The following ARHGEF12 variants were observed in gnomAD, a reference collection of about 807,000 sequenced individuals.
ARHGEF12 encodes the protein Rho guanine nucleotide exchange factor 12, also known as KMT2A/ARHGEF12 fusion protein.
Under a neutral mutation model 211.2 loss-of-function variants are expected in ARHGEF12, and 66 were observed. The observed-to-expected ratio is 0.31, with a 90% CI of 0.26 to 0.38. The LOEUF (loss-of-function observed/expected upper bound fraction) is 0.38, where lower values mean the gene tolerates loss of function less well. Among genes scored for constraint, ARHGEF12 ranks in the 10% least tolerant of loss-of-function variants. The pLI, the probability that ARHGEF12 is intolerant of heterozygous loss-of-function variation, is 1.00. For synonymous variants in ARHGEF12, 592 were observed against 638.4 expected (o/e 0.93, Z 1.09); for missense variants, 1,429 against 1,869.5 (o/e 0.76, Z 4.34).
chr11:120,370,408 C>T (rs973927421), intron 1 of ARHGEF12, among the ~76,000 whole-genome samples: 2 of 152,182 alleles, frequency 1.3e-5, no homozygotes, highest in African/African-American at 4.8e-5. Context: ...CAAAGTAAAT[C>T]TCCTTACCTT....
At chr11:120,458,784 G>A (rs1946437023) in intron 25 of ARHGEF12, 1 of 160,568 alleles carries the variant, frequency 6.2e-6, no homozygotes, top group South Asian at 1.8e-4. Flanking sequence ...GACCCCAGAA[G>A]TGAGTGTTTA....
intron 1 of ARHGEF12, 178 bp from the exon 2 acceptor site, chr11:120,405,940 G>A (rs1335138282): frequency 1.9e-6 from 1 of 517,178 alleles, no homozygotes; most frequent in African/African-American, 2.0e-5. Context: ...TAACAAAGTA[G>A]TTAAGATACT....
rs946268188 is a variant in ARHGEF12, at chr11:120,364,008, A to G, written c.32+26733A>G. ...GGTCTCACTACATTGTCCAGACACA[A>G]TCACCATGTACTGCAGCCTTGAAGT... On this transcript the variant is annotated intron_variant, in intron 1 of 40. Coordinates refer to ENST00000397843, the MANE Select transcript of ARHGEF12 (RefSeq NM_015313.3). Among the ~76,000 whole-genome samples, 6 of 152,172 alleles carry G rather than the reference A, an allele frequency of 3.9e-5. No individual in the cohort carries two copies. In the East Asian group the frequency reaches 5.8e-4, roughly 15 times the overall value.
At chr11:120,421,005 AAGG>A (rs1266713761) in intron 5 of ARHGEF12, among the ~76,000 whole-genome samples, 154 bp downstream of exon 5, 1 of 152,264 alleles carries the variant, frequency 6.6e-6, no homozygotes, top group Non-Finnish European at 1.5e-5. Context: ...TAGTTACAGG[AAGG>A]AGTTTACTCC....
At position 120,486,269 on chromosome 11, in the gene ARHGEF12, G is replaced by A. The variant is rs902006939; in HGVS notation, c.*1192G>A. ...CAAAGGGCCCTGAGTCAAAAGGATA[G>A]CCAAGGGTGGAGTGGAAAAAGATAT... On this transcript the variant is annotated 3_prime_UTR_variant, in exon 41 of 41. Coordinates refer to ENST00000397843, the MANE Select transcript of ARHGEF12 (RefSeq NM_015313.3). 2 of 233,314 alleles carry A rather than the reference G, an allele frequency of 8.6e-6. No homozygotes were observed. The highest frequency in any genetic ancestry group is 1.7e-5 in the Non-Finnish European group (2 of 117,870). The allele number at this position is 233,314 out of a possible 1,614,324, so 14.5% of individuals were successfully genotyped here. A position where few individuals can be genotyped will look rare whatever the true frequency, so the allele number is the denominator to read the frequency against.
In ARHGEF12 at chr11:120,489,797, A is replaced by G. The variant is rs1209081111; in HGVS notation, c.*4720A>G. ...TTTGTATGCCTGGCTTTGTTTACAAACATATATCTATATCTATATATATAG... is the reference window on the plus strand; with the variant it reads ...TTTGTATGCCTGGCTTTGTTTACAAGCATATATCTATATCTATATATATAG... On this transcript the variant is annotated 3_prime_UTR_variant, in exon 41 of 41. Transcript: ENST00000397843. The G allele has an allele frequency of 2.6e-5, 5 of 189,336 alleles. No homozygotes were observed. The highest frequency in any genetic ancestry group is 4.4e-5 in the Non-Finnish European group (4 of 90,150). The allele number at this position is 189,336 out of a possible 1,614,324, so 11.7% of individuals were successfully genotyped here. A position where few individuals can be genotyped will look rare whatever the true frequency, so the allele number is the denominator to read the frequency against.
Position 120,488,507 on chromosome 11 carries a change from C to T in ARHGEF12, c.*3430C>T, listed in dbSNP as rs1947456338. ...GAGTCATCTACAAAATTTTTCTTTC[C>T]TCAAGAAAAGAGTTCCTTTTGCCTT... is the stretch of plus-strand genomic sequence containing the variant. On this transcript the variant is annotated 3_prime_UTR_variant, in exon 41 of 41. Transcript: ENST00000397843. 4.6e-6 allele frequency: 1 copy of T among 216,970 alleles called. No individual in the cohort carries two copies. Among genetic ancestry groups the T allele is most frequent in the East Asian group, 6.8e-5 (1 of 14,648 alleles). The allele number at this position is 216,970 out of a possible 1,614,324, so 13.4% of individuals were successfully genotyped here.
Position 120,477,261 on chromosome 11 carries a change from G to A in ARHGEF12, c.3408G>A (p.Glu1136=), listed in dbSNP as rs1166524383. The A allele has an allele frequency of 6.2e-6, 10 of 1,614,126 alleles. No homozygotes were observed. In the South Asian group the frequency reaches 8.8e-5, roughly 14 times the overall value. ...GTCGGATGGCTGCATCAGTGAAGGA[G>A]CAATCCACAAAGCCAATTCCATTAC... The part of the protein sequence containing the change: ...LICRMAASVK[E]QSTKPIPLPQ... Residue 1136 remains glutamate, a synonymous_variant, in exon 35 of 41, where the codon GAG becomes GAA. Coordinates refer to ENST00000397843, the MANE Select transcript of ARHGEF12 (RefSeq NM_015313.3).
chr11:120,373,005 A>G (rs1011649199), intron 1 of ARHGEF12, among the ~76,000 whole-genome samples: 18 of 143,748 alleles, frequency 1.3e-4, no homozygotes, highest in Admixed American at 1.4e-4. Context: ...TTACCAGTAT[A>G]ATCTAAACTG....
intron 11 of ARHGEF12, among the ~76,000 whole-genome samples, chr11:120,432,958 T>C (rs1370465233): frequency 1.3e-5 from 2 of 152,124 alleles, no homozygotes; most frequent in Admixed American, 6.6e-5. Flanking sequence ...AGGAGTCTTG[T>C]GATTGGGTTA....
chr11:120,411,360 G>A (rs895941120), intron 4 of ARHGEF12: 1 of 152,078 alleles, frequency 6.6e-6, no homozygotes, highest in African/African-American at 2.4e-5. Context: ...ATTACGTACA[G>A]TTAGCATAGA....
rs749687348 is a variant in ARHGEF12, at chr11:120,337,260, C to T, written c.17C>T (p.Ser6Phe). 15 of 1,614,032 alleles carry T rather than the reference C, an allele frequency of 9.3e-6. No homozygotes were observed. The African/African-American group carries it at 1.9e-4, about 20-fold the overall frequency. The change falls in exon 1 of 41, where the codon TCT (serine) becomes TTT (phenylalanine). Residue 6 changes from serine to phenylalanine, a missense_variant. Transcript: ENST00000397843. MSGTQ[S>F]TITDRFPLKK... Reference sequence around the variant, plus strand: ...AGGGCCCCAATGAGTGGCACACAGTCTACTATCACCGACAGGTTGGTATGA... The same window carrying T: ...AGGGCCCCAATGAGTGGCACACAGTTTACTATCACCGACAGGTTGGTATGA...
chr11:120,421,113 A>C (rs1213438385), intron 5 of ARHGEF12, among the ~76,000 whole-genome samples: 2 of 152,214 alleles, frequency 1.3e-5, no homozygotes, highest in Admixed American at 6.5e-5. Flanking sequence ...TATTGTCCAC[A>C]CAAAAGTTTC....
At chr11:120,414,057 G>A (rs1332613037) in intron 4 of ARHGEF12, among the ~76,000 whole-genome samples, 1 of 152,020 alleles carries the variant, frequency 6.6e-6, no homozygotes, top group African/African-American at 2.4e-5. Context: ...TAAGAAGGAA[G>A]CAGTCTTTTT....
intron 10 of ARHGEF12, 49 bp from the exon 11 acceptor site, chr11:120,431,722 T>C: frequency 6.7e-7 from 1 of 1,502,484 alleles, no homozygotes; most frequent in Non-Finnish European, 8.9e-7. Flanking sequence ...GTAATGAAAG[T>C]TTTCTTTTAT....
intron 4 of ARHGEF12, chr11:120,410,240 T>C (rs1462618956): frequency 1.3e-5 from 2 of 151,980 alleles, no homozygotes; most frequent in Non-Finnish European, 2.9e-5. Context: ...TCCTTTGCAG[T>C]TTTATTTGCC....
chr11:120,375,713 C>G (rs568936511), intron 1 of ARHGEF12, among the ~76,000 whole-genome samples: 1 of 152,190 alleles, frequency 6.6e-6, no homozygotes, highest in African/African-American at 2.4e-5. Context: ...CCAGTGTTAA[C>G]ATTAATATTA....
chr11:120,339,101 T>C (rs1416351594), intron 1 of ARHGEF12, among the ~76,000 whole-genome samples: 1 of 149,390 alleles, frequency 6.7e-6, no homozygotes, highest in African/African-American at 2.5e-5. Flanking sequence ...TGGGCATTAA[T>C]GTTTTTTGAA....
chr11:120,378,036 G>A (rs969223955), intron 1 of ARHGEF12, among the ~76,000 whole-genome samples: 11 of 152,092 alleles, frequency 7.2e-5, no homozygotes, highest in Non-Finnish European at 1.5e-4. Context: ...AAAGTGCTGG[G>A]ATTACAGGCA....
Sources: allele counts gnomAD v4.1 joint callset (sites outside exome capture counted in the v4.1 genomes callset), GRCh38; gene constraint gnomAD v4.1.1; transcripts MANE v1.5; gene names NCBI Gene and HGNC (gene_info 2026-07-23, HGNC 2026-07-21).